The following GAP43 variants were observed in gnomAD, a reference collection of about 807,000 sequenced individuals.
GAP43 encodes the protein growth associated protein 43.
Under a neutral mutation model 18.6 loss-of-function variants are expected in GAP43, and 6 were observed. The ratio of observed to expected loss-of-function variants is 0.32; its 90% CI spans 0.18 to 0.64. GAP43 has a LOEUF of 0.64. Among genes scored for constraint, GAP43 ranks in the 30% least tolerant of loss-of-function variants. The pLI is 0.78. For missense variants in GAP43, 292 were observed against 295.5 expected, an observed-to-expected ratio of 0.99 and a Z score of 0.09; for synonymous variants, 115 against 111.4, an observed-to-expected ratio of 1.03 and a Z score of -0.20.
In GAP43 at chr3:115,698,076, T is replaced by A. The variant is rs1472544519; in HGVS notation, c.628+21466T>A. 7.6e-5 allele frequency among the ~76,000 whole-genome samples: 5 copies of A among 65,968 alleles called. No individual in the cohort carries two copies. In the Admixed American group the frequency reaches 1.6e-3, roughly 21 times the overall value. The allele number at this position is 65,968 out of a possible 152,430, so 43.3% of individuals were successfully genotyped here. On this transcript the variant is annotated intron_variant, in intron 2 of 2. Transcript: ENST00000305124. ...TATATAAAATATATATTATATATAA[T>A]ATATAAAATATGTATTATATATAAT...
chr3:115,712,092 A>C (rs1461903497), intron 2 of GAP43, among the ~76,000 whole-genome samples: 4 of 152,200 alleles, frequency 2.6e-5, no homozygotes, highest in African/African-American at 7.2e-5. Flanking sequence ...GAAGTTTTCA[A>C]GGCTAGTCAA....
intron 1 of GAP43, among the ~76,000 whole-genome samples, chr3:115,627,101 T>TA (rs1234433831): frequency 3.3e-5 from 5 of 149,468 alleles, no homozygotes. Flanking sequence ...ACAGAAAAAA[T>TA]ATTTGAAGGG....
At chr3:115,709,844 C>CATATATATATATAT (rs149885836) in intron 2 of GAP43, among the ~76,000 whole-genome samples, 44 of 148,040 alleles carry the variant, frequency 3.0e-4, no homozygotes, top group African/African-American at 1.1e-3. Context: ...CATGAACATA[C>CATATATATATATAT]ATATATATAT....
At chr3:115,705,963 G>A (rs981143775) in intron 2 of GAP43, among the ~76,000 whole-genome samples, 2 of 152,068 alleles carry the variant, frequency 1.3e-5, no homozygotes, top group African/African-American at 2.4e-5. Context: ...TCTTTGCCTA[G>A]AAAACTTTCA....
chr3:115,704,549 G>A (rs1709336924), intron 2 of GAP43, among the ~76,000 whole-genome samples: 2 of 152,082 alleles, frequency 1.3e-5, no homozygotes. Flanking sequence ...GATTCTGCAA[G>A]CCTCCAGAGT....
At chr3:115,630,961 A>T (rs957221979) in intron 1 of GAP43, among the ~76,000 whole-genome samples, 1 of 152,204 alleles carries the variant, frequency 6.6e-6, no homozygotes, top group Non-Finnish European at 1.5e-5. Context: ...GAGCATCATG[A>T]TGGGTCATTA....
chr3:115,625,110 TGGAA>T (rs1708170424), intron 1 of GAP43, among the ~76,000 whole-genome samples: 1 of 151,608 alleles, frequency 6.6e-6, no homozygotes, highest in South Asian at 2.1e-4. Context: ...GCCAGCGCCC[TGGAA>T]GGAAGGGTGG....
chr3:115,623,752 G>T (rs1396495690), intron 1 of GAP43, 33 bp downstream of exon 1: 1 of 1,612,892 alleles, frequency 6.2e-7, no homozygotes, highest in Non-Finnish European at 8.5e-7. Flanking sequence ...TCTTGCTGTT[G>T]TGAAATAACC....
chr3:115,626,238 TA>T (rs2107462527), intron 1 of GAP43, among the ~76,000 whole-genome samples: 1 of 152,244 alleles, frequency 6.6e-6, no homozygotes, highest in Non-Finnish European at 1.5e-5. Context: ...TAACAGGGAA[TA>T]AAACAAGGGC....
At chr3:115,691,316 T>G (rs1009581350) in intron 2 of GAP43, among the ~76,000 whole-genome samples, 1 of 152,222 alleles carries the variant, frequency 6.6e-6, no homozygotes, top group African/African-American at 2.4e-5. Context: ...CTTGGAGGCC[T>G]GCAGTGGAGG....
chr3:115,693,392 A>T (rs1709140031), intron 2 of GAP43, among the ~76,000 whole-genome samples: 1 of 152,182 alleles, frequency 6.6e-6, no homozygotes, highest in Non-Finnish European at 1.5e-5. Flanking sequence ...ACACAGGGCT[A>T]GTCATCTTGG....
chr3:115,702,417 A>G (rs1215583476), intron 2 of GAP43, among the ~76,000 whole-genome samples: 1 of 152,126 alleles, frequency 6.6e-6, no homozygotes, highest in African/African-American at 2.4e-5. Flanking sequence ...GGGGACAGAA[A>G]GAAAAAAACT....
chr3:115,681,858 G>A (rs1708961658), intron 2 of GAP43, among the ~76,000 whole-genome samples: 1 of 152,100 alleles, frequency 6.6e-6, no homozygotes, highest in African/African-American at 2.4e-5. Flanking sequence ...GAGACTATGG[G>A]ACTTAATCAT....
intron 2 of GAP43, among the ~76,000 whole-genome samples, chr3:115,698,805 A>G (rs918067582): frequency 6.6e-6 from 1 of 152,184 alleles, no homozygotes; most frequent in Non-Finnish European, 1.5e-5. Flanking sequence ...TAAGTTAGAT[A>G]ACAAAATATG....
At chr3:115,663,462 T>A (rs531179736) in intron 1 of GAP43, 1 of 1,033,762 alleles carries the variant, frequency 9.7e-7, no homozygotes, top group East Asian at 6.6e-5. Flanking sequence ...GCCCTCTCCC[T>A]CCCTCTTCTC....
In GAP43 at chr3:115,720,944, C is replaced by T. The variant is rs917297816; in HGVS notation, c.*62C>T. 4.9e-5 allele frequency: 56 copies of T among 1,145,342 alleles called. 1 individual carries two copies. The South Asian group carries it at 7.4e-4, about 15-fold the overall frequency. The allele number at this position is 1,145,342 out of a possible 1,614,324, so 70.9% of individuals were successfully genotyped here. A position where few individuals can be genotyped will look rare whatever the true frequency, so the allele number is the denominator to read the frequency against. On this transcript the variant is annotated 3_prime_UTR_variant, in exon 3 of 3. Transcript: ENST00000305124. The stretch of plus-strand genomic sequence containing the variant: ...CTCTCCTGAGCCTGTCTCTCCCTAC[C>T]CTCTTCTCAGCTCCACTCTGAAGTC...
chr3:115,634,336 A>T (rs1708302925), intron 1 of GAP43, among the ~76,000 whole-genome samples: 2 of 152,136 alleles, frequency 1.3e-5, no homozygotes, highest in Admixed American at 1.3e-4. Flanking sequence ...GAACCAATTT[A>T]TCTGCTTGGA....
intron 2 of GAP43, among the ~76,000 whole-genome samples, chr3:115,690,015 G>A (rs1709085515): frequency 6.6e-6 from 1 of 152,230 alleles, no homozygotes; most frequent in Non-Finnish European, 1.5e-5. Context: ...TTGTAGCTCT[G>A]TTTCTGACAA....
intron 1 of GAP43, among the ~76,000 whole-genome samples, chr3:115,667,631 G>A (rs1287211229): frequency 2.6e-5 from 4 of 152,180 alleles, no homozygotes; most frequent in Non-Finnish European, 5.9e-5. Context: ...TCCTGCTGGT[G>A]AGCTCTGACC....
Sources: gnomAD v4.1 joint callset for allele counts (sites outside exome capture counted in the v4.1 genomes callset) on GRCh38, gnomAD v4.1.1 for gene constraint, MANE v1.5 for transcripts, NCBI Gene and HGNC (gene_info 2026-07-23, HGNC 2026-07-21) for gene names.